Variants in AP5Z1 observed in about 807,000 individuals in gnomAD.
AP5Z1 encodes adaptor related protein complex 5 subunit zeta 1.
In AP5Z1, 106 loss-of-function variants were observed where a neutral mutation model predicts 83.0. The observed-to-expected ratio is 1.28, with a 90% CI of 1.09 to 1.50. The LOEUF (loss-of-function observed/expected upper bound fraction) is 1.50. Ranked by LOEUF, AP5Z1 falls within the 40% of genes most tolerant of loss-of-function variation. The probability of loss-of-function intolerance (pLI) is 0.00; values close to 1 mark genes in which losing one functional copy is unlikely to be tolerated. For missense variants in AP5Z1, 1,565 were observed against 1,094.2 expected, an observed-to-expected ratio of 1.43 and a Z score of -6.07; for synonymous variants, 751 against 514.1, an observed-to-expected ratio of 1.46 and a Z score of -6.23.
intron 5 of AP5Z1, among the ~76,000 whole-genome samples, 157 bp from the exon 6 acceptor site, chr7:4,784,046 C>T (rs945991143): frequency 3.3e-5 from 5 of 152,188 alleles, no homozygotes; most frequent in African/African-American, 1.2e-4. Context: ...GCCTGGGGGT[C>T]AGGTGGGGAT....
Position 4,791,313 on chromosome 7 carries a change from C to A in AP5Z1, c.2352C>A (p.Asn784Lys), listed in dbSNP as rs748913228. ...GCCCCCGCTATCACCGCGATGCCAA[C>A]ACGGCCCTGCCCCTGGCCCTGCGCA... ...VCSPRYHRDA[N>K]TALPLALRTV... Residue 784 changes from asparagine to lysine, a missense_variant, in exon 17 of 17, where the codon AAC becomes AAA. Coordinates refer to ENST00000649063, the MANE Select transcript of AP5Z1 (RefSeq NM_014855.3). 35 of 1,611,976 alleles carry A rather than the reference C, an allele frequency of 2.2e-5. No individual in the cohort carries two copies. The Middle Eastern group carries it at 4.9e-4, about 23-fold the overall frequency.
intron 1 of AP5Z1, among the ~76,000 whole-genome samples, chr7:4,777,170 T>G (rs59164982): frequency 6.6e-6 from 1 of 152,010 alleles, no homozygotes; most frequent in Non-Finnish European, 1.5e-5. Context: ...TGGACAGATA[T>G]GTCATTCATG....
rs1182569497 is a variant in AP5Z1, at chr7:4,792,291, C to A, written c.*906C>A. 6.6e-6 allele frequency: 1 copy of A among 151,860 alleles called. No homozygotes were observed. Among genetic ancestry groups the A allele is most frequent in the African/African-American group, 2.4e-5 (1 of 41,216 alleles). The allele number at this position is 151,860 out of a possible 1,614,324, so 9.4% of individuals were successfully genotyped here. On this transcript the variant is annotated 3_prime_UTR_variant, in exon 17 of 17. Coordinates refer to ENST00000649063, the MANE Select transcript of AP5Z1 (RefSeq NM_014855.3). ...GCCCCGAGAGCCTCACGCCCCGCCCCCAGGCTCAAACTCTTCCCCCTCCCC... is the reference window on the plus strand; with the variant it reads ...GCCCCGAGAGCCTCACGCCCCGCCCACAGGCTCAAACTCTTCCCCCTCCCC...
Position 4,781,611 on chromosome 7 carries a change from C to G in AP5Z1, c.223C>G (p.Leu75Val), listed in dbSNP as rs1438339878. 1.9e-6 allele frequency: 3 copies of G among 1,610,242 alleles called. No individual in the cohort carries two copies. The change falls in exon 3 of 17, where the codon CTG (leucine) becomes GTG (valine). Residue 75 changes from leucine to valine, a missense_variant. Leu to Val is a conservative substitution (Grantham distance 32). Coordinates refer to ENST00000649063, the MANE Select transcript of AP5Z1 (RefSeq NM_014855.3). ...AGACCTGCTGCAGGCCACCCTCGGC[C>G]TGCCTGCATGCCCCGAGCAGCTCCA... ...CVDLLQATLG[L>V]PACPEQLQVL...
At chr7:4,782,228 T>C (rs1781402237) in intron 3 of AP5Z1, among the ~76,000 whole-genome samples, 1 of 152,052 alleles carries the variant, frequency 6.6e-6, no homozygotes, top group African/African-American at 2.4e-5. Flanking sequence ...AATGTTTGTA[T>C]TTTTTTGTAG....
In AP5Z1 at chr7:4,791,687, C is replaced by T. The variant is rs936168577; in HGVS notation, c.*302C>T. The T allele has an allele frequency of 1.3e-5, 6 of 475,062 alleles. No individual in the cohort carries two copies. The highest frequency in any genetic ancestry group is 1.2e-4 in the African/African-American group (6 of 51,552). The allele number at this position is 475,062 out of a possible 1,614,324, so 29.4% of individuals were successfully genotyped here. On this transcript the variant is annotated 3_prime_UTR_variant, in exon 17 of 17. Coordinates refer to ENST00000649063, the MANE Select transcript of AP5Z1 (RefSeq NM_014855.3). Reference sequence around the variant, plus strand: ...CGGGTGGAGGCTGCTGGGTCTGTTTCCTAGTCTTTTGTTTTTGGACAGTTG... The same window carrying T: ...CGGGTGGAGGCTGCTGGGTCTGTTTTCTAGTCTTTTGTTTTTGGACAGTTG...
chr7:4,783,929 G>A (rs140258305), intron 5 of AP5Z1, 131 bp downstream of exon 5: 23 of 1,065,512 alleles, frequency 2.2e-5, no homozygotes, highest in African/African-American at 3.2e-5. Context: ...CCTCTGCTGC[G>A]GGGCTTGGGT....
At position 4,789,899 on chromosome 7, in the gene AP5Z1, C is replaced by T. The variant is rs781462204; in HGVS notation, c.1775C>T (p.Pro592Leu). 3.9e-5 allele frequency: 60 copies of T among 1,550,496 alleles called. No individual in the cohort carries two copies. The Middle Eastern group carries it at 5.1e-4, about 13-fold the overall frequency. Reference sequence around the variant, plus strand: ...CTGGGCAGGAGCGACTCGCTCTACCCGGCCCCAGGGTACGCTGCCGGTGTG... The same window carrying T: ...CTGGGCAGGAGCGACTCGCTCTACCTGGCCCCAGGGTACGCTGCCGGTGTG... Reference protein sequence around the residue: ...LLLGRSDSLYPAPGYAAGVHS... With the variant: ...LLLGRSDSLYLAPGYAAGVHS... The change falls in exon 14 of 17, where the codon CCG becomes CTG. Residue 592 changes from proline to leucine, a missense_variant. By Grantham distance (98) the Pro-to-Leu change is moderately conservative. Coordinates refer to ENST00000649063, the MANE Select transcript of AP5Z1 (RefSeq NM_014855.3).
chr7:4,784,062 T>C (rs1201133081), intron 5 of AP5Z1, 141 bp from the exon 6 acceptor site: 16 of 1,091,298 alleles, frequency 1.5e-5, no homozygotes, highest in Non-Finnish European at 1.9e-5. Context: ...GGGATGGTGT[T>C]TTTGCATCAC....
At chr7:4,787,527 C>T in intron 10 of AP5Z1, 107 bp from the exon 11 acceptor site, 2 of 1,451,912 alleles carry the variant, frequency 1.4e-6, no homozygotes, top group Non-Finnish European at 1.8e-6. Flanking sequence ...AGAAGCCCTC[C>T]TGGGGACTGC....
rs199884374 is a variant in AP5Z1, at chr7:4,783,464, C to T, written c.511+4C>T. ...AGCCCGGGCACCCTCCAGGAGGGTA[C>T]GCGGGGCCCCTCCCAAGAGGCTGTT... On this transcript the variant is annotated splice_donor_region_variant and intron_variant, in intron 4 of 16. Transcript: ENST00000649063. 26 of 1,609,742 alleles carry T rather than the reference C, an allele frequency of 1.6e-5. 1 individual carries two copies. Among genetic ancestry groups the T allele is most frequent in the South Asian group, 8.8e-5 (8 of 90,898 alleles).
At chr7:4,777,149 C>T (rs12534424) in intron 1 of AP5Z1, among the ~76,000 whole-genome samples, 1 of 151,764 alleles carries the variant, frequency 6.6e-6, no homozygotes, top group Non-Finnish European at 1.5e-5. Context: ...AGGCAACCTT[C>T]CCTTCAATCC....
chr7:4,787,092 G>A (rs1781571500), intron 10 of AP5Z1, among the ~76,000 whole-genome samples: 1 of 152,142 alleles, frequency 6.6e-6, no homozygotes, highest in African/African-American at 2.4e-5. Context: ...TGCTTTTGAA[G>A]TGTCTTTTGC....
intron 5 of AP5Z1, 31 bp from the exon 6 acceptor site, chr7:4,784,172 C>T (rs1453820761): frequency 6.4e-7 from 1 of 1,558,476 alleles, no homozygotes; most frequent in Non-Finnish European, 8.7e-7. Flanking sequence ...CCTCGGCCCC[C>T]TCCGCCCACT....
intron 3 of AP5Z1, 58 bp downstream of exon 3, chr7:4,781,812 G>A (rs766879999): frequency 2.6e-4 from 382 of 1,469,366 alleles, no homozygotes; most frequent in Non-Finnish European, 3.3e-4. Context: ...AAGGAACAGG[G>A]GAGACAGGAA....
At position 4,783,711 on chromosome 7, in the gene AP5Z1, G is replaced by A; in HGVS notation, c.534G>A (p.Lys178=). 1 of 1,550,542 alleles carries A rather than the reference G, an allele frequency of 6.4e-7. No homozygotes were observed. Residue 178 remains lysine (K), a synonymous_variant, in exon 5 of 17, where the codon AAG becomes AAA. Transcript: ENST00000649063. ...LQEDQATLLS[K]RLVDWLRYAS... ...CAGACCAGGCCACCCTGCTCAGCAAGCGGCTGGTCGACTGGCTGCGCTACG... is the reference window on the plus strand; with the variant it reads ...CAGACCAGGCCACCCTGCTCAGCAAACGGCTGGTCGACTGGCTGCGCTACG...
chr7:4,789,028 C>G, intron 13 of AP5Z1, 77 bp downstream of exon 13: 1 of 1,266,902 alleles, frequency 7.9e-7, no homozygotes, highest in Admixed American at 2.1e-5. Context: ...CACTGGGGGG[C>G]CCTCTTGAGC....
chr7:4,783,085 C>A (rs1781427690), intron 3 of AP5Z1, among the ~76,000 whole-genome samples: 1 of 152,232 alleles, frequency 6.6e-6, no homozygotes, highest in Admixed American at 6.5e-5. Context: ...GCCGTGCCCT[C>A]ACCCAGGCCC....
In AP5Z1 at chr7:4,783,332, A is replaced by T. The variant is rs1781435214; in HGVS notation, c.383A>T (p.Glu128Val). Reference sequence around the variant, plus strand: ...GATTTGAAGGGTGACAGAAACGAGGAGGTCAGAGCCGTGGGCCAGGGCGTG... The same window carrying T: ...GATTTGAAGGGTGACAGAAACGAGGTGGTCAGAGCCGTGGGCCAGGGCGTG... ...VLLAQGDRNE[E>V]VRAVGQGVLR... Residue 128 changes from glutamate (E) to valine (V), a missense_variant, in exon 4 of 17, where the codon GAG becomes GTG. Coordinates refer to ENST00000649063, the MANE Select transcript of AP5Z1 (RefSeq NM_014855.3). 2 of 1,610,622 alleles carry T rather than the reference A, an allele frequency of 1.2e-6. No homozygotes were observed. The highest frequency in any genetic ancestry group is 1.7e-6 in the Non-Finnish European group (2 of 1,178,362).
Sources: allele counts gnomAD v4.1 joint callset (sites outside exome capture counted in the v4.1 genomes callset), GRCh38; gene constraint gnomAD v4.1.1; transcripts MANE v1.5; gene names NCBI Gene and HGNC (gene_info 2026-07-23, HGNC 2026-07-21).